AGMO: variants seen among roughly 807,000 people sequenced by gnomAD.
AGMO encodes the protein alkylglycerol monooxygenase.
AGMO carries 75 observed loss-of-function variants against 60.2 expected under a neutral mutation model. The observed-to-expected ratio is 1.25, with a 90% confidence interval of 1.03 to 1.51. AGMO has a LOEUF of 1.51. Ranked by LOEUF, AGMO falls within the 40% of genes most tolerant of loss-of-function variation. The probability of loss-of-function intolerance (pLI) is 0.00; values close to 1 mark genes in which losing one functional copy is unlikely to be tolerated. For missense variants in AGMO, 763 were observed against 525.5 expected (o/e 1.45, Z -4.42); for synonymous variants, 261 against 177.1 (o/e 1.47, Z -3.76).
intron 12 of AGMO, among the ~76,000 whole-genome samples, chr7:15,363,078 G>A (rs187361223): frequency 2.0e-5 from 3 of 152,162 alleles, no homozygotes; most frequent in Non-Finnish European, 4.4e-5. Flanking sequence ...AATAATACTA[G>A]TAAGGCATTT....
At chr7:15,141,656 T>G in the AGMO span, among the ~76,000 whole-genome samples, 1 of 152,190 alleles carries the variant, frequency 6.6e-6, no homozygotes, top group Admixed American at 6.5e-5. Context: ...TTTATTTCTC[T>G]AAGACCATTA....
chr7:15,131,989 A>G, the AGMO span, among the ~76,000 whole-genome samples: 1 of 152,062 alleles, frequency 6.6e-6, no homozygotes, highest in Non-Finnish European at 1.5e-5. Context: ...TGGACTCACA[A>G]TTGTCCAAAT....
the AGMO span, among the ~76,000 whole-genome samples, chr7:15,179,025 C>T: frequency 6.6e-6 from 1 of 152,074 alleles, no homozygotes; most frequent in Admixed American, 6.6e-5. Flanking sequence ...AAGGGCAGAG[C>T]CCTCATGACC....
chr7:15,206,938 A>G (rs917630476), intron 12 of AGMO, among the ~76,000 whole-genome samples: 2 of 152,182 alleles, frequency 1.3e-5, no homozygotes, highest in Non-Finnish European at 2.9e-5. Flanking sequence ...TACTAGCTTA[A>G]TTTACACAAC....
intron 3 of AGMO, among the ~76,000 whole-genome samples, chr7:15,445,895 A>C (rs1277319549): frequency 6.6e-6 from 1 of 152,156 alleles, no homozygotes; most frequent in Non-Finnish European, 1.5e-5. Flanking sequence ...GTGTGGTCCT[A>C]CTGTAAACTG....
chr7:15,493,419 G>C (rs554830676), intron 3 of AGMO, among the ~76,000 whole-genome samples: 1 of 128,632 alleles, frequency 7.8e-6, no homozygotes, highest in Admixed American at 9.4e-5. Context: ...TGTCGCCCAG[G>C]CTGGAGTGCA....
At chr7:15,205,395 T>C (rs895237322) in intron 12 of AGMO, among the ~76,000 whole-genome samples, 1 of 150,948 alleles carries the variant, frequency 6.6e-6, no homozygotes, top group African/African-American at 2.4e-5. Context: ...AGAAAAAAAA[T>C]CTCTGAAATT....
At chr7:15,257,037 T>C (rs754779714) in intron 12 of AGMO, among the ~76,000 whole-genome samples, 2 of 152,196 alleles carry the variant, frequency 1.3e-5, no homozygotes, top group Non-Finnish European at 2.9e-5. Flanking sequence ...CATGATTCTA[T>C]ACTTCTAAAA....
At chr7:15,190,059 A>C in the AGMO span, among the ~76,000 whole-genome samples, 1 of 143,620 alleles carries the variant, frequency 7.0e-6, no homozygotes, top group African/African-American at 2.5e-5. Flanking sequence ...CCATGTACTC[A>C]AGATTTTTAA....
intron 2 of AGMO, among the ~76,000 whole-genome samples, chr7:15,551,170 AAAT>A (rs1294800198): frequency 4.6e-5 from 7 of 152,190 alleles, no homozygotes; most frequent in African/African-American, 1.4e-4. Context: ...ACGTATTTCA[AAAT>A]AATAAGAGCT....
chr7:15,460,952 T>A (rs2128508629), intron 3 of AGMO, among the ~76,000 whole-genome samples: 1 of 152,288 alleles, frequency 6.6e-6, no homozygotes, highest in African/African-American at 2.4e-5. Flanking sequence ...AAGAATTATG[T>A]ATTAGTATGA....
At chr7:15,120,859 G>A in the AGMO span, among the ~76,000 whole-genome samples, 33 of 152,010 alleles carry the variant, frequency 2.2e-4, no homozygotes, top group African/African-American at 8.0e-4. Flanking sequence ...GAGAGTGCAG[G>A]TTTGTTACAC....
At chr7:15,468,083 C>T (rs1323089972) in intron 3 of AGMO, among the ~76,000 whole-genome samples, 2 of 152,150 alleles carry the variant, frequency 1.3e-5, no homozygotes, top group Non-Finnish European at 2.9e-5. Flanking sequence ...CTTGACTGAA[C>T]AAGGTGGGCA....
chr7:15,243,316 C>T (rs1244726889), intron 12 of AGMO, among the ~76,000 whole-genome samples: 2 of 152,030 alleles, frequency 1.3e-5, no homozygotes, highest in African/African-American at 4.8e-5. Flanking sequence ...CTAGACTATT[C>T]TGTATCTGTA....
chr7:15,236,794 A>T (rs1782436855), intron 12 of AGMO, among the ~76,000 whole-genome samples: 1 of 152,088 alleles, frequency 6.6e-6, no homozygotes, highest in Non-Finnish European at 1.5e-5. Flanking sequence ...GAGTCTAGTT[A>T]CTAGTTAGTG....
At chr7:15,532,120 T>C (rs1056906648) in intron 3 of AGMO, among the ~76,000 whole-genome samples, 1 of 152,198 alleles carries the variant, frequency 6.6e-6, no homozygotes, top group Non-Finnish European at 1.5e-5. Context: ...ACTTCATCTA[T>C]CCTAGTGTAG....
chr7:15,171,265 G>A, the AGMO span, among the ~76,000 whole-genome samples: 903 of 152,302 alleles, frequency 5.9e-3, 10 homozygotes, highest in Non-Finnish European at 7.0e-3. Flanking sequence ...ACAGGCTTGA[G>A]CCACCACGCC....
rs1464742795 is a variant in AGMO, at chr7:15,426,253, C to A, written c.513+4752G>T. On this transcript the variant is annotated intron_variant, in intron 4 of 12. Transcript: ENST00000342526. ...TTGACAACTATAATACTTTCTATTT[C>A]ATTCATTTATGTAACATACATTTAT... is the stretch of plus-strand genomic sequence containing the variant. Among the ~76,000 whole-genome samples, 3 of 152,122 alleles carry A rather than the reference C, an allele frequency of 2.0e-5. No individual in the cohort carries two copies. In the East Asian group the frequency reaches 5.8e-4, roughly 29 times the overall value.
At chr7:15,121,600 G>A in the AGMO span, among the ~76,000 whole-genome samples, 4 of 151,462 alleles carry the variant, frequency 2.6e-5, no homozygotes, top group African/African-American at 9.7e-5. Flanking sequence ...TCATATATTT[G>A]TCAGCTGCAT....
Sources: gnomAD v4.1 joint callset for allele counts (sites outside exome capture counted in the v4.1 genomes callset) on GRCh38, gnomAD v4.1.1 for gene constraint, MANE v1.5 for transcripts, NCBI Gene and HGNC (gene_info 2026-07-23, HGNC 2026-07-21) for gene names.